RGS7: variants seen among roughly 807,000 people sequenced by gnomAD.
RGS7 encodes regulator of G protein signaling 7.
Under a neutral mutation model 81.1 loss-of-function variants are expected in RGS7, and 27 were observed. The observed-to-expected ratio is 0.33, with a 90% CI of 0.25 to 0.46. RGS7 has a LOEUF of 0.46. Among genes scored for constraint, RGS7 ranks in the 20% least tolerant of loss-of-function variants. The probability of loss-of-function intolerance (pLI) is 1.00; values close to 1 mark genes in which losing one functional copy is unlikely to be tolerated. For missense variants in RGS7, 396 were observed against 607.4 expected, an observed-to-expected ratio of 0.65 and a Z score of 3.66; for synonymous variants, 208 against 207.7, an observed-to-expected ratio of 1.00 and a Z score of -0.01.
At chr1:241,089,021 ATCTCTCTCTC>A (rs1158514403) in intron 3 of RGS7, among the ~76,000 whole-genome samples, 11 of 23,656 alleles carry the variant, frequency 4.6e-4, no homozygotes, top group East Asian at 1.1e-3. Flanking sequence ...GCAAGACTCC[ATCTCTCTCTC>A]TCTCTCTCTC....
At chr1:241,126,172 C>G (rs1028448486) in intron 2 of RGS7, among the ~76,000 whole-genome samples, 6 of 151,718 alleles carry the variant, frequency 4.0e-5, no homozygotes, top group African/African-American at 1.5e-4. Flanking sequence ...TATTTTGAGG[C>G]AGAGTTTCGC....
At chr1:241,191,617 T>C (rs1175447778) in intron 2 of RGS7, among the ~76,000 whole-genome samples, 1 of 152,228 alleles carries the variant, frequency 6.6e-6, no homozygotes, top group Non-Finnish European at 1.5e-5. Flanking sequence ...TACTACTTCA[T>C]AAAATGATTT....
chr1:240,885,835 C>T (rs540060323), intron 6 of RGS7, among the ~76,000 whole-genome samples: 1 of 152,092 alleles, frequency 6.6e-6, no homozygotes, highest in South Asian at 2.1e-4. Flanking sequence ...ATAATCTGTA[C>T]ACCAAACCCC....
intron 2 of RGS7, among the ~76,000 whole-genome samples, chr1:241,324,397 C>T (rs1178733951): frequency 6.6e-6 from 1 of 151,842 alleles, no homozygotes; most frequent in Non-Finnish European, 1.5e-5. Context: ...TTCTTCCTAC[C>T]ACCACAATTG....
chr1:241,051,194 T>C (rs1020845384), intron 3 of RGS7, among the ~76,000 whole-genome samples: 1 of 152,132 alleles, frequency 6.6e-6, no homozygotes, highest in Non-Finnish European at 1.5e-5. Context: ...GCAGCCAAGA[T>C]GAGACAGTGG....
chr1:240,951,490 A>C (rs1679549986), intron 4 of RGS7, among the ~76,000 whole-genome samples: 1 of 152,230 alleles, frequency 6.6e-6, no homozygotes, highest in African/African-American at 2.4e-5. Flanking sequence ...AATACTAAAA[A>C]AGAAATAAAG....
At chr1:241,323,118 C>A (rs1188675958) in intron 2 of RGS7, among the ~76,000 whole-genome samples, 1 of 152,154 alleles carries the variant, frequency 6.6e-6, no homozygotes, top group Non-Finnish European at 1.5e-5. Flanking sequence ...TCATACACTG[C>A]AAACTCCCCA....
intron 6 of RGS7, among the ~76,000 whole-genome samples, chr1:240,899,214 C>G (rs1424884794): frequency 6.6e-6 from 1 of 152,174 alleles, no homozygotes; most frequent in Non-Finnish European, 1.5e-5. Context: ...ATACAGCACA[C>G]TGATGGGTCT....
Position 240,936,670 on chromosome 1 carries a change from TG to T in RGS7, c.262del (p.His88ThrfsTer120). 1 of 1,614,126 alleles carries T rather than the reference TG, an allele frequency of 6.2e-7. No homozygotes were observed. The highest frequency in any genetic ancestry group is 8.5e-7 in the Non-Finnish European group (1 of 1,179,986). On this transcript the variant is annotated frameshift_variant, in exon 5 of 19. Transcript: ENST00000440928. LOFTEE classifies it high-confidence loss of function. ...ALHLGTLMAA[H>X]GYFFPISDHV... Reference sequence around the variant, plus strand: ...ATCTGAGATTGGAAAGAAGTAGCCGTGGGCAGCCATTAATGTTCCCAAATGG... The same window carrying T: ...ATCTGAGATTGGAAAGAAGTAGCCGTGGCAGCCATTAATGTTCCCAAATGG...
chr1:241,089,183 A>C (rs2063712390), intron 3 of RGS7, among the ~76,000 whole-genome samples: 1 of 148,064 alleles, frequency 6.8e-6, no homozygotes, highest in South Asian at 2.1e-4. Context: ...AAAGCAGAGC[A>C]GGGATAAGTC....
intron 2 of RGS7, among the ~76,000 whole-genome samples, chr1:241,212,532 A>G (rs1453192564): frequency 6.6e-6 from 1 of 152,158 alleles, no homozygotes; most frequent in Admixed American, 6.6e-5. Flanking sequence ...CCAGGGTAGG[A>G]GAGTTGGAGG....
At chr1:240,851,615 T>C (rs1660113119) in intron 9 of RGS7, among the ~76,000 whole-genome samples, 1 of 152,198 alleles carries the variant, frequency 6.6e-6, no homozygotes. Flanking sequence ...TCTGATGGAA[T>C]GGGGCAAAGT....
intron 2 of RGS7, among the ~76,000 whole-genome samples, chr1:241,256,240 T>C (rs2077047023): frequency 6.6e-6 from 1 of 152,196 alleles, no homozygotes; most frequent in Admixed American, 6.5e-5. Flanking sequence ...AATTTAAAAT[T>C]ATACATTTTT....
intron 18 of RGS7, among the ~76,000 whole-genome samples, chr1:240,783,263 T>G (rs1384709874): frequency 6.6e-6 from 1 of 152,134 alleles, no homozygotes; most frequent in Non-Finnish European, 1.5e-5. Context: ...AATAACAACC[T>G]ATGTATTTGT....
intron 16 of RGS7, 29 bp downstream of exon 16, chr1:240,802,875 A>G (rs370942209): frequency 6.1e-4 from 871 of 1,438,204 alleles, no homozygotes; most frequent in Non-Finnish European, 7.9e-4. Flanking sequence ...AACTAGGCCA[A>G]GAAAAAACAA....
chr1:241,191,375 C>G (rs918783684), intron 2 of RGS7, among the ~76,000 whole-genome samples: 2 of 152,034 alleles, frequency 1.3e-5, no homozygotes, highest in African/African-American at 2.4e-5. Context: ...ATCATGTGAG[C>G]CTTTTTTTCT....
At chr1:240,990,796 T>C (rs1558565806) in intron 3 of RGS7, among the ~76,000 whole-genome samples, 1 of 152,240 alleles carries the variant, frequency 6.6e-6, no homozygotes, top group Non-Finnish European at 1.5e-5. Context: ...TCAAAACAGA[T>C]ATGTTTCCTT....
intron 2 of RGS7, among the ~76,000 whole-genome samples, chr1:241,139,031 A>G (rs4385697): frequency 0.56 from 84,769 of 151,934 alleles, 27,242 homozygotes; most frequent in African/African-American, 0.89. Context: ...GCCTTTTCTG[A>G]ACATTTCATA....
intron 6 of RGS7, among the ~76,000 whole-genome samples, chr1:240,890,974 G>A (rs1572625798): frequency 6.6e-6 from 1 of 152,184 alleles, no homozygotes; most frequent in East Asian, 1.9e-4. Flanking sequence ...AAAAAAAGAG[G>A]CCTACGATAT....
Sources: gnomAD v4.1 joint callset for allele counts (sites outside exome capture counted in the v4.1 genomes callset) on GRCh38, gnomAD v4.1.1 for gene constraint, MANE v1.5 for transcripts, NCBI Gene and HGNC (gene_info 2026-07-23, HGNC 2026-07-21) for gene names.